The following NREP variants were observed in gnomAD, a reference collection of about 807,000 sequenced individuals.
NREP encodes neuronal regeneration related protein, also known as neuronal regeneration-related protein.
NREP carries 5 observed loss-of-function variants against 8.6 expected under a neutral mutation model. The observed-to-expected ratio is 0.58, with a 90% confidence interval of 0.30 to 1.22. The LOEUF is 1.22. Ranked by LOEUF, NREP falls within the 50% of genes most tolerant of loss-of-function variation. NREP has a pLI of 0.07. For synonymous variants in NREP, 27 were observed against 28.0 expected, an observed-to-expected ratio of 0.96 and a Z score of 0.11; for missense variants, 86 against 82.5, an observed-to-expected ratio of 1.04 and a Z score of -0.17.
intron 2 of NREP, among the ~76,000 whole-genome samples, chr5:111,764,412 C>T (rs1751033795): frequency 6.6e-6 from 1 of 152,162 alleles, no homozygotes; most frequent in East Asian, 1.9e-4. Context: ...CTGGAGAGGC[C>T]TCACAATCAT....
intron 2 of NREP, among the ~76,000 whole-genome samples, chr5:111,796,501 G>C (rs190032261): frequency 1.2e-3 from 182 of 152,280 alleles, no homozygotes; most frequent in Non-Finnish European, 1.9e-3. Context: ...TCTAAGCCGA[G>C]AAGGCAGAAT....
chr5:111,946,959 T>G (rs114962163), intron 2 of NREP, among the ~76,000 whole-genome samples: 2 of 151,998 alleles, frequency 1.3e-5, no homozygotes, highest in African/African-American at 4.8e-5. Flanking sequence ...AATAAGAATA[T>G]ACTAGTCTCC....
chr5:111,917,595 C>A (rs1040962812), intron 2 of NREP, among the ~76,000 whole-genome samples: 1 of 152,132 alleles, frequency 6.6e-6, no homozygotes, highest in Non-Finnish European at 1.5e-5. Context: ...ATAAACAGAA[C>A]CAATGATAAA....
Position 111,777,601 on chromosome 5 carries a change from T to C in NREP, c.136-42094A>G, listed in dbSNP as rs73223662. ...TTCAGTGTAGTTGCACATTAACCATTATGTGTATATTTGTGGTATTCAGTA... is the reference window on the plus strand; with the variant it reads ...TTCAGTGTAGTTGCACATTAACCATCATGTGTATATTTGTGGTATTCAGTA... On this transcript the variant is annotated intron_variant, in intron 2 of 3. Transcript: ENST00000395634. Among the ~76,000 whole-genome samples the C allele has an allele frequency of 4.9e-3, 744 of 152,182 alleles. 2 individuals carry two copies. The highest frequency in any genetic ancestry group is 0.017 in the African/African-American group (692 of 41,518).
At chr5:111,874,251 G>A (rs1003883737) in intron 2 of NREP, among the ~76,000 whole-genome samples, 7 of 152,222 alleles carry the variant, frequency 4.6e-5, no homozygotes, top group African/African-American at 1.7e-4. Flanking sequence ...ATGTTAAAAT[G>A]AATCACTTGT....
At chr5:111,748,927 G>C (rs1270804563) in intron 2 of NREP, among the ~76,000 whole-genome samples, 1 of 152,132 alleles carries the variant, frequency 6.6e-6, no homozygotes, top group Non-Finnish European at 1.5e-5. Flanking sequence ...GTATACAGAG[G>C]AACATAAGAA....
intron 2 of NREP, among the ~76,000 whole-genome samples, chr5:111,871,392 C>G (rs1212595478): frequency 6.6e-6 from 1 of 152,048 alleles, no homozygotes; most frequent in Non-Finnish European, 1.5e-5. Context: ...ACGGAGCTTG[C>G]AGGACTAGAA....
intron 2 of NREP, among the ~76,000 whole-genome samples, chr5:111,746,302 TCTCCCAGACC>T (rs1448332597): frequency 2.2e-4 from 33 of 151,980 alleles, no homozygotes; most frequent in Non-Finnish European, 4.3e-4. Flanking sequence ...TGGAGACTTG[TCTCCCAGACC>T]TTGATAACAA....
intron 2 of NREP, among the ~76,000 whole-genome samples, chr5:111,781,653 T>A (rs1005501944): frequency 2.6e-5 from 4 of 152,328 alleles, no homozygotes; most frequent in Admixed American, 2.6e-4. Context: ...ACATCCTCAC[T>A]TCCAGGATCT....
chr5:111,737,795 C>G (rs1001256063), intron 2 of NREP, among the ~76,000 whole-genome samples: 5 of 151,062 alleles, frequency 3.3e-5, no homozygotes, highest in African/African-American at 1.2e-4. Context: ...GAATATCTGA[C>G]AGCAAAACAC....
chr5:111,947,699 A>G (rs1756030804), intron 2 of NREP, among the ~76,000 whole-genome samples: 1 of 152,066 alleles, frequency 6.6e-6, no homozygotes, highest in Non-Finnish European at 1.5e-5. Flanking sequence ...AATTAATACT[A>G]TACTCTTCCT....
chr5:111,767,285 C>T (rs551507993), intron 2 of NREP, among the ~76,000 whole-genome samples: 1 of 151,046 alleles, frequency 6.6e-6, no homozygotes, highest in South Asian at 2.1e-4. Flanking sequence ...CCATAAATTA[C>T]TCCTCCCCGC....
chr5:111,861,772 A>G (rs1753549018), intron 2 of NREP, among the ~76,000 whole-genome samples: 1 of 152,204 alleles, frequency 6.6e-6, no homozygotes, highest in Admixed American at 6.6e-5. Context: ...AATATTAATG[A>G]TAATCCTAAT....
chr5:111,763,885 G>C (rs878914799), intron 2 of NREP, among the ~76,000 whole-genome samples: 1 of 152,168 alleles, frequency 6.6e-6, no homozygotes, highest in Admixed American at 6.5e-5. Context: ...TTATAAATGG[G>C]TATTTTCTGT....
At position 111,783,834 on chromosome 5, in the gene NREP, G is replaced by A. The variant is rs61021080; in HGVS notation, c.136-48327C>T. Among the ~76,000 whole-genome samples the A allele has an allele frequency of 8.5e-3, 1,298 of 152,172 alleles. 22 individuals carry two copies. The highest frequency in any genetic ancestry group is 0.03 in the African/African-American group (1,247 of 41,522). On this transcript the variant is annotated intron_variant, in intron 2 of 3. Transcript: ENST00000395634. ...CTCACCTTTTATCCCTAAACCTGGC[G>A]TGTTTAAATGAATGAATAATGAGTG...
intron 2 of NREP, among the ~76,000 whole-genome samples, chr5:111,798,775 G>GTGTT (rs1751933155): frequency 7.6e-5 from 1 of 13,236 alleles, no homozygotes; most frequent in Non-Finnish European, 1.5e-4. Flanking sequence ...GTGTGTGTGT[G>GTGTT]TATGTGTGTG....
chr5:111,849,106 A>G (rs1227053928), intron 2 of NREP, among the ~76,000 whole-genome samples: 1 of 152,154 alleles, frequency 6.6e-6, no homozygotes, highest in East Asian at 1.9e-4. Flanking sequence ...GCAGATTTGG[A>G]TAAGTGGTAC....
At chr5:111,793,423 T>C (rs527532653) in intron 2 of NREP, among the ~76,000 whole-genome samples, 1 of 152,042 alleles carries the variant, frequency 6.6e-6, no homozygotes, top group Non-Finnish European at 1.5e-5. Flanking sequence ...GGAGCTCCAA[T>C]AACCGAAGGC....
chr5:111,919,595 C>G (rs929227762), intron 2 of NREP, among the ~76,000 whole-genome samples: 1 of 151,994 alleles, frequency 6.6e-6, no homozygotes, highest in Admixed American at 6.6e-5. Context: ...AGCTGGAAAC[C>G]ATAATTCTCA....
Sources: allele counts gnomAD v4.1 joint callset (sites outside exome capture counted in the v4.1 genomes callset), GRCh38; gene constraint gnomAD v4.1.1; transcripts MANE v1.5; gene names NCBI Gene and HGNC (gene_info 2026-07-23, HGNC 2026-07-21).